The following HECW1 variants were observed in gnomAD, a reference collection of about 807,000 sequenced individuals.
HECW1 encodes the protein E3 ubiquitin-protein ligase HECW1.
In HECW1, 61 loss-of-function variants were observed where a neutral mutation model predicts 182.3. The ratio of observed to expected loss-of-function variants is 0.33; its 90% CI spans 0.27 to 0.41. The LOEUF is 0.41. Ranked by LOEUF, HECW1 falls within the 10% of genes least tolerant of loss-of-function variation. HECW1 has a pLI of 1.00. For synonymous variants in HECW1, 859 were observed against 832.6 expected, an observed-to-expected ratio of 1.03 and a Z score of -0.55; for missense variants, 1,739 against 2,108.9, an observed-to-expected ratio of 0.82 and a Z score of 3.44.
Position 43,550,427 on chromosome 7 carries a change from T to C in HECW1, c.4249-18T>C, listed in dbSNP as rs758004605. The C allele has an allele frequency of 5.0e-6, 8 of 1,613,684 alleles. No individual in the cohort carries two copies. ...AGCAGAACTGACAAGCATCGCAATA[T>C]TTCTGTTTTCCTACAAGGTCACGGA... is the stretch of plus-strand genomic sequence containing the variant. On this transcript the variant is annotated intron_variant, in intron 26 of 29. Coordinates refer to ENST00000395891, the MANE Select transcript of HECW1 (RefSeq NM_015052.5).
At chr7:43,298,216 T>C (rs1350978065) in intron 3 of HECW1, among the ~76,000 whole-genome samples, 1 of 152,248 alleles carries the variant, frequency 6.6e-6, no homozygotes, top group African/African-American at 2.4e-5. Flanking sequence ...AGTGGTGCTT[T>C]CTTCTAACAA....
intron 5 of HECW1, among the ~76,000 whole-genome samples, chr7:43,340,680 T>C (rs1261626848): frequency 6.6e-6 from 1 of 151,760 alleles, no homozygotes; most frequent in East Asian, 1.9e-4. Flanking sequence ...GTATTTCCCC[T>C]AAATTAAAGC....
At chr7:43,318,144 G>A (rs1489667041) in intron 4 of HECW1, among the ~76,000 whole-genome samples, 1 of 152,116 alleles carries the variant, frequency 6.6e-6, no homozygotes, top group Non-Finnish European at 1.5e-5. Flanking sequence ...AGGTGTTATT[G>A]TCTATAAATC....
At chr7:43,255,767 G>A (rs1800505973) in intron 3 of HECW1, among the ~76,000 whole-genome samples, 1 of 152,094 alleles carries the variant, frequency 6.6e-6, no homozygotes, top group African/African-American at 2.4e-5. Flanking sequence ...GTTTAGTGAA[G>A]GAGAAAAGCC....
chr7:43,290,078 A>G (rs1805199588), intron 3 of HECW1, among the ~76,000 whole-genome samples: 1 of 152,216 alleles, frequency 6.6e-6, no homozygotes, highest in Non-Finnish European at 1.5e-5. Context: ...CTCTTTTCAG[A>G]ACTTAAGGTG....
intron 24 of HECW1, among the ~76,000 whole-genome samples, chr7:43,534,153 G>A (rs559001400): frequency 1.3e-4 from 20 of 152,246 alleles, no homozygotes; most frequent in African/African-American, 4.6e-4. Flanking sequence ...TAACTAGAAG[G>A]CTTTTAAAGT....
chr7:43,149,537 T>G (rs1340029892), intron 2 of HECW1, among the ~76,000 whole-genome samples: 1 of 152,166 alleles, frequency 6.6e-6, no homozygotes, highest in East Asian at 1.9e-4. Context: ...AACAGAAAAG[T>G]GATGTTGGTA....
intron 8 of HECW1, among the ~76,000 whole-genome samples, chr7:43,424,886 G>A (rs1182552098): frequency 6.6e-6 from 1 of 152,096 alleles, no homozygotes; most frequent in South Asian, 2.1e-4. Flanking sequence ...AGCAGAGAAG[G>A]TATTATGTAT....
chr7:43,273,959 C>T (rs537015275), intron 3 of HECW1, among the ~76,000 whole-genome samples: 4 of 151,918 alleles, frequency 2.6e-5, no homozygotes, highest in African/African-American at 9.7e-5. Flanking sequence ...TCAAGCGATT[C>T]TCCTACCTCA....
chr7:43,483,547 C>CTTTTTTTTTTT (rs549214390), intron 17 of HECW1, among the ~76,000 whole-genome samples: 6 of 119,036 alleles, frequency 5.0e-5, no homozygotes, highest in Admixed American at 9.6e-5. Context: ...CATGCAAACT[C>CTTTTTTTTTTT]TTTTTTTTTT....
At chr7:43,436,979 C>T (rs2076732427) in intron 8 of HECW1, among the ~76,000 whole-genome samples, 1 of 152,218 alleles carries the variant, frequency 6.6e-6, no homozygotes, top group African/African-American at 2.4e-5. Flanking sequence ...ATTCTCCTGC[C>T]TCAGTCTCCC....
chr7:43,364,680 C>G (rs75406256), intron 6 of HECW1, among the ~76,000 whole-genome samples: 18,807 of 152,280 alleles, frequency 0.12, 1,260 homozygotes, highest in Middle Eastern at 0.3. Flanking sequence ...AGAAATGGCT[C>G]AGGCCTGGCA....
At chr7:43,231,148 GA>G (rs1797845642) in intron 2 of HECW1, among the ~76,000 whole-genome samples, 1 of 152,196 alleles carries the variant, frequency 6.6e-6, no homozygotes, top group African/African-American at 2.4e-5. Context: ...AACATTTAGA[GA>G]GGCTAACTAA....
At position 43,562,649 on chromosome 7, in the gene HECW1, C is replaced by G. The variant is rs1454451430; in HGVS notation, c.*723C>G. On this transcript the variant is annotated 3_prime_UTR_variant, in exon 30 of 30. Transcript: ENST00000395891. ...GGTTGTGGGGATTGTGGGCTCAACT[C>G]AAGAGAAGTTTAGGAGGGGGAGCAT... 4.4e-6 allele frequency: 1 copy of G among 226,332 alleles called. No homozygotes were observed. The highest frequency in any genetic ancestry group is 8.8e-6 in the Non-Finnish European group (1 of 113,494). 14.0% of individuals were successfully genotyped at this position (226,332 alleles called of 1,614,324 possible). A position where few individuals can be genotyped will look rare whatever the true frequency, so the allele number is the denominator to read the frequency against.
intron 7 of HECW1, among the ~76,000 whole-genome samples, chr7:43,404,905 G>C (rs1216091401): frequency 6.6e-6 from 1 of 152,126 alleles, no homozygotes; most frequent in Non-Finnish European, 1.5e-5. Context: ...GAACCCGGGA[G>C]GCGGAGGTTG....
In HECW1 at chr7:43,565,360, A is replaced by G; in HGVS notation, c.*3434A>G. On this transcript the variant is annotated 3_prime_UTR_variant, in exon 30 of 30. Coordinates refer to ENST00000395891, the MANE Select transcript of HECW1 (RefSeq NM_015052.5). ...GACCATATGTCCTTGAACAGTAAGT[A>G]TATTTGTGTGGCAAGCCAATGGCTG... The G allele has an allele frequency of 4.9e-6, 1 of 206,044 alleles. No homozygotes were observed. Among genetic ancestry groups the G allele is most frequent in the East Asian group, 7.4e-5 (1 of 13,600 alleles). 12.8% of individuals were successfully genotyped at this position (206,044 alleles called of 1,614,324 possible). A position where few individuals can be genotyped will look rare whatever the true frequency, so the allele number is the denominator to read the frequency against.
intron 2 of HECW1, among the ~76,000 whole-genome samples, chr7:43,183,092 G>A (rs1012755583): frequency 3.3e-5 from 5 of 152,058 alleles, no homozygotes; most frequent in African/African-American, 7.2e-5. Context: ...TCTCCTAAGC[G>A]CAGTGCTCTG....
intron 3 of HECW1, among the ~76,000 whole-genome samples, chr7:43,276,494 A>C (rs1012983330): frequency 2.0e-5 from 3 of 152,250 alleles, no homozygotes; most frequent in African/African-American, 7.2e-5. Flanking sequence ...AAATGCAGGT[A>C]GAAATTCACA....
intron 2 of HECW1, among the ~76,000 whole-genome samples, chr7:43,168,719 A>G (rs1418654176): frequency 6.6e-6 from 1 of 152,168 alleles, no homozygotes; most frequent in African/African-American, 2.4e-5. Flanking sequence ...TAAGAGACAC[A>G]TACATAGACA....
Sources: allele counts gnomAD v4.1 joint callset (sites outside exome capture counted in the v4.1 genomes callset), GRCh38; gene constraint gnomAD v4.1.1; transcripts MANE v1.5; gene names NCBI Gene and HGNC (gene_info 2026-07-23, HGNC 2026-07-21).